Variants in CHTF18 observed in about 807,000 individuals in gnomAD.
The protein encoded by CHTF18 is chromosome transmission fidelity factor 18.
A neutral mutation model predicts 113.4 loss-of-function variants in CHTF18; 151 were observed. The ratio of observed to expected loss-of-function variants is 1.33; its 90% CI spans 1.17 to 1.52. The LOEUF (loss-of-function observed/expected upper bound fraction) is 1.52. Among genes scored for constraint, CHTF18 ranks in the 40% most tolerant of loss-of-function variants. The probability of loss-of-function intolerance (pLI) is 0.00; values close to 1 mark genes in which losing one functional copy is unlikely to be tolerated. For synonymous variants in CHTF18, 916 were observed against 598.8 expected (o/e 1.53, Z -7.74); for missense variants, 1,982 against 1,381.6 (o/e 1.43, Z -6.89).
intron 7 of CHTF18, 55 bp from the exon 8 acceptor site, chr16:791,106 C>T: frequency 6.4e-7 from 1 of 1,556,578 alleles, no homozygotes. Flanking sequence ...GGTGGACTGT[C>T]CGTGCCTGGA....
chr16:793,739 C>T (rs898024426), intron 14 of CHTF18: 37 of 656,590 alleles, frequency 5.6e-5, no homozygotes, highest in Middle Eastern at 2.4e-4. Context: ...ATATGGGAGA[C>T]GCTGGCCTGG....
chr16:791,416 C>T, intron 8 of CHTF18, 46 bp downstream of exon 8: 1 of 1,533,886 alleles, frequency 6.5e-7, no homozygotes, highest in South Asian at 1.2e-5. Context: ...TGAGGCTTTG[C>T]ACTCGGCGCC....
At chr16:795,081 TGCACCTTC>T in intron 15 of CHTF18, 43 bp from the exon 16 acceptor site, 1 of 1,423,744 alleles carries the variant, frequency 7.0e-7, no homozygotes, top group Non-Finnish European at 9.5e-7. Flanking sequence ...TCCGTGGTGG[TGCACCTTC>T]CCTGGGGTGG....
chr16:789,089 G>A lies in CHTF18; in HGVS notation c.250G>A (p.Asp84Asn), dbSNP rs1484307586. ...SQGGARKRQVDADLQPAGSLP... is the reference protein window; with the variant it reads ...SQGGARKRQVNADLQPAGSLP... ...GGGCGGCGCCAGGAAGAGGCAGGTG[G>A]ACGCCGACCTGCAGCCGGCCGGGTC... Residue 84 changes from aspartate (D) to asparagine (N), a missense_variant, in exon 2 of 22, where the codon GAC becomes AAC. Asp to Asn is a conservative substitution (Grantham distance 23, BLOSUM62 1). Transcript: ENST00000262315. 1.3e-6 allele frequency: 2 copies of A among 1,533,708 alleles called. No individual in the cohort carries two copies.
At chr16:797,808 AC>A (rs1374310861) in intron 21 of CHTF18, 30 bp from the exon 22 acceptor site, 1 of 1,588,364 alleles carries the variant, frequency 6.3e-7, no homozygotes, top group African/African-American at 1.3e-5. Flanking sequence ...GGGGGGCCTT[AC>A]AGCTGAGGAG....
In CHTF18 at chr16:797,824, C is replaced by G. The variant is rs565956721; in HGVS notation, c.2792-15C>G. 110 of 1,596,454 alleles carry G rather than the reference C, an allele frequency of 6.9e-5. No homozygotes were observed. The highest frequency in any genetic ancestry group is 9.1e-5 in the Non-Finnish European group (107 of 1,172,362). On this transcript the variant is annotated splice_polypyrimidine_tract_variant and intron_variant, in intron 21 of 21. Coordinates refer to ENST00000262315, the MANE Select transcript of CHTF18 (RefSeq NM_022092.3). ...GGGGGCCTTACAGCTGAGGAGCAAC[C>G]CTGTGGCCCCGCAGGGGACACGGCC...
At chr16:796,299 G>A (rs2042345811) in intron 18 of CHTF18, among the ~76,000 whole-genome samples, 1 of 152,242 alleles carries the variant, frequency 6.6e-6, no homozygotes, top group Non-Finnish European at 1.5e-5. Flanking sequence ...GCTGCTCCCA[G>A]CCTTAGCACC....
chr16:797,143 G>T (rs1201635888), intron 20 of CHTF18, 51 bp downstream of exon 20: 2 of 1,469,404 alleles, frequency 1.4e-6, no homozygotes, highest in South Asian at 1.4e-5. Flanking sequence ...ACCTTTGGGG[G>T]TGTGGCTAGG....
rs763665207 is a variant in CHTF18, at chr16:794,177, G to T, written c.1926G>T (p.Ala642=). Reference sequence around the variant, plus strand: ...GTGTCCTGCATGCCGCTGCCTCTGCGGGCGAGCACGAGAAGGTGGTCCAGG... The same window carrying T: ...GTGTCCTGCATGCCGCTGCCTCTGCTGGCGAGCACGAGAAGGTGGTCCAGG... The part of the protein sequence containing the change: ...FYRVLHAAAS[A]GEHEKVVQGL... The change falls in exon 15 of 22, where the codon GCG becomes GCT. Residue 642 remains alanine, a synonymous_variant. Coordinates refer to ENST00000262315, the MANE Select transcript of CHTF18 (RefSeq NM_022092.3). 2 of 1,612,084 alleles carry T rather than the reference G, an allele frequency of 1.2e-6. No homozygotes were observed. The highest frequency in any genetic ancestry group is 1.7e-6 in the Non-Finnish European group (2 of 1,179,476).
chr16:795,932 C>G lies in CHTF18; in HGVS notation c.2326-15C>G. 6.2e-7 allele frequency: 1 copy of G among 1,603,446 alleles called. No individual in the cohort carries two copies. Among genetic ancestry groups the G allele is most frequent in the Non-Finnish European group, 8.5e-7 (1 of 1,173,462 alleles). ...AGCCTGCTCAGCTCCCTGTCTGCTG[C>G]CTCCCATCCCCTAGGTGAGCACACA... On this transcript the variant is annotated splice_polypyrimidine_tract_variant and intron_variant, in intron 17 of 21. Transcript: ENST00000262315.
rs1172858943 is a variant in CHTF18 at position 789,135 on chromosome 16, C to T, written c.286+10C>T. The T allele has an allele frequency of 1.0e-5, 16 of 1,545,582 alleles. No homozygotes were observed. Among genetic ancestry groups the T allele is most frequent in the East Asian group, 4.9e-5 (2 of 40,776 alleles). On this transcript the variant is annotated intron_variant, in intron 2 of 21. Coordinates refer to ENST00000262315, the MANE Select transcript of CHTF18 (RefSeq NM_022092.3). ...GGGTCCCTGCCCCACGGTAGGTTGG[C>T]GGCATTGCCCCAGGGCCTCCGGAGT...
In CHTF18 at chr16:793,951, G is replaced by C. The variant is rs2042269552; in HGVS notation, c.1803-103G>C. 16 of 1,332,226 alleles carry C rather than the reference G, an allele frequency of 1.2e-5. No individual in the cohort carries two copies. The South Asian group carries it at 2.1e-4, about 18-fold the overall frequency. 82.5% of individuals were successfully genotyped at this position (1,332,226 alleles called of 1,614,324 possible). A position where few individuals can be genotyped will look rare whatever the true frequency, so the allele number is the denominator to read the frequency against. On this transcript the variant is annotated intron_variant, in intron 14 of 21. Transcript: ENST00000262315. The stretch of plus-strand genomic sequence containing the variant: ...CAAGGGCCCTGCTGAGAAGAATGAA[G>C]TGGGTGGCAGCTCTGATGGGGCCTC...
At chr16:797,568 T>C in intron 20 of CHTF18, 126 bp from the exon 21 acceptor site, 1 of 979,328 alleles carries the variant, frequency 1.0e-6, no homozygotes, top group Non-Finnish European at 1.5e-6. Context: ...CTGGGCCAGG[T>C]TCCGAAAGGT....
chr16:796,738 C>A lies in CHTF18; in HGVS notation c.2478C>A (p.Arg826=). Residue 826 remains arginine, a synonymous_variant, in exon 19 of 22, where the codon CGC becomes CGA. Transcript: ENST00000262315. ...RLEPNVEELC[R]FPELPARKPL... is the part of the protein sequence containing the mutation. ...GCAGGAACGTGGAGGAACTCTGCCGCTTCCCTGAGCTGCCTGCCCGCAAGC... is the reference window on the plus strand; with the variant it reads ...GCAGGAACGTGGAGGAACTCTGCCGATTCCCTGAGCTGCCTGCCCGCAAGC... 6.2e-7 allele frequency: 1 copy of A among 1,603,702 alleles called. No individual in the cohort carries two copies. Among genetic ancestry groups the A allele is most frequent in the Non-Finnish European group, 8.5e-7 (1 of 1,179,264 alleles).
rs548901002 is a variant in CHTF18 at position 788,807 on chromosome 16, G to C, written c.91+32G>C. 5.4e-5 allele frequency: 85 copies of C among 1,572,882 alleles called. 1 individual carries two copies. In the South Asian group the frequency reaches 9.5e-4, roughly 18 times the overall value. ...CGCGGCCCCCGGCCGTTGGGGAGGA[G>C]CTGCGAAAGCCGGGACAGTGGCGAC... On this transcript the variant is annotated intron_variant, in intron 1 of 21. Transcript: ENST00000262315.
At position 793,197 on chromosome 16, in the gene CHTF18, A is replaced by G. The variant is rs752091951; in HGVS notation, c.1725A>G (p.Thr575=). ...TGAGCGTGCGGGACGTGCAGGCCACACGCGTGGGCCTCAAGGACCAGCGCA... is the reference window on the plus strand; with the variant it reads ...TGAGCGTGCGGGACGTGCAGGCCACGCGCGTGGGCCTCAAGGACCAGCGCA... The part of the protein sequence containing the change: ...RELSVRDVQA[T]RVGLKDQRRG... The change falls in exon 14 of 22, where the codon ACA becomes ACG. Residue 575 remains threonine, a synonymous_variant. Transcript: ENST00000262315. 18 of 1,607,702 alleles carry G rather than the reference A, an allele frequency of 1.1e-5. No homozygotes were observed. Among genetic ancestry groups the G allele is most frequent in the Non-Finnish European group, 1.4e-5 (16 of 1,178,570 alleles).
rs1360530333 is a variant in CHTF18, at chr16:795,430, C to T, written c.2175+74C>T. The T allele has an allele frequency of 2.2e-5, 24 of 1,068,960 alleles. No individual in the cohort carries two copies. The East Asian group carries it at 5.5e-4, about 24-fold the overall frequency. 66.2% of individuals were successfully genotyped at this position (1,068,960 alleles called of 1,614,324 possible). A position where few individuals can be genotyped will look rare whatever the true frequency, so the allele number is the denominator to read the frequency against. On this transcript the variant is annotated intron_variant, in intron 16 of 21. Coordinates refer to ENST00000262315, the MANE Select transcript of CHTF18 (RefSeq NM_022092.3). ...CCTGTGCTGCCCGTGTGGCTGCCCC[C>T]GGCCCCGTGCCCGCCCCCCCAAACA...
Position 797,090 on chromosome 16 carries a change from C to G in CHTF18, c.2731C>G (p.Gln911Glu). The G allele has an allele frequency of 6.6e-7, 1 of 1,521,342 alleles. No homozygotes were observed. Among genetic ancestry groups the G allele is most frequent in the Non-Finnish European group, 8.8e-7 (1 of 1,138,060 alleles). 94.2% of individuals were successfully genotyped at this position (1,521,342 alleles called of 1,614,324 possible). A position where few individuals can be genotyped will look rare whatever the true frequency, so the allele number is the denominator to read the frequency against. The change falls in exon 20 of 22, where the codon CAG (glutamine) becomes GAG (glutamate). Residue 911 changes from glutamine to glutamate, a missense_variant and splice_region_variant. Gln to Glu is a conservative substitution (Grantham distance 29, BLOSUM62 2). Transcript: ENST00000262315. ...CATGAGGCGAGCGGCCCGGGAGGAA[C>G]AGGTGTGGAATGGGCAGCTGTGGGG... ...HIMRRAAREEQPEKDFFGRVV... is the reference protein window; with the variant it reads ...HIMRRAAREEEPEKDFFGRVV...
Position 791,287 on chromosome 16 carries a change from C to T in CHTF18, c.1021C>T (p.Pro341Ser), listed in dbSNP as rs372208068. Residue 341 changes from proline to serine, a missense_variant, in exon 8 of 22, where the codon CCA becomes TCA. Transcript: ENST00000262315. ...PARVSKEATAPGKWKSHEQVL... is the reference protein window; with the variant it reads ...PARVSKEATASGKWKSHEQVL... ...CCGGGTCAGCAAGGAGGCCACAGCCCCAGGCAAGTGGAAGAGCCACGAACA... is the reference window on the plus strand; with the variant it reads ...CCGGGTCAGCAAGGAGGCCACAGCCTCAGGCAAGTGGAAGAGCCACGAACA... 2.0e-5 allele frequency: 33 copies of T among 1,610,764 alleles called. No homozygotes were observed. The African/African-American group carries it at 2.9e-4, about 14-fold the overall frequency.
Sources: allele counts gnomAD v4.1 joint callset (sites outside exome capture counted in the v4.1 genomes callset), GRCh38; gene constraint gnomAD v4.1.1; transcripts MANE v1.5; gene names NCBI Gene and HGNC (gene_info 2026-07-23, HGNC 2026-07-21).